The following YIF1B variants were observed in gnomAD, a reference collection of about 807,000 sequenced individuals.
YIF1B encodes protein YIF1B.
In YIF1B, 24 loss-of-function variants were observed where a neutral mutation model predicts 34.6. The observed-to-expected ratio is 0.69, with a 90% CI of 0.50 to 0.98. The LOEUF (loss-of-function observed/expected upper bound fraction) is 0.98. YIF1B is among the 50% of genes least tolerant of loss of function. YIF1B has a pLI of 0.00. For synonymous variants in YIF1B, 186 were observed against 184.8 expected, an observed-to-expected ratio of 1.01 and a Z score of -0.05; for missense variants, 368 against 429.4, an observed-to-expected ratio of 0.86 and a Z score of 1.26.
intron 1 of YIF1B, among the ~76,000 whole-genome samples, chr19:38,314,322 G>A (rs914427120): frequency 6.6e-6 from 1 of 151,568 alleles, no homozygotes; most frequent in African/African-American, 2.4e-5. Flanking sequence ...AGCCTCCTGA[G>A]TAGCTGGGAC....
Position 38,304,251 on chromosome 19 carries a change from C to G in YIF1B, c.*1101G>C. The G allele has an allele frequency of 6.2e-7, 1 of 1,613,634 alleles. No individual in the cohort carries two copies. The highest frequency in any genetic ancestry group is 1.1e-5 in the South Asian group (1 of 91,072). ...CGCCCTTGGCCTTAGGACCCAACTT[C>G]TCTTACCGCCATGGAGTTCGACCTG... On this transcript the variant is annotated 3_prime_UTR_variant, in exon 8 of 8. Transcript: ENST00000339413.
Position 38,304,378 on chromosome 19 carries a change from T to C in YIF1B, c.*974A>G. ...ACCACCCAACTTCTCTCCACAGCCC[T>C]GGAGCCCACCTCCCAGAAGCCCGGT... On this transcript the variant is annotated 3_prime_UTR_variant, in exon 8 of 8. Coordinates refer to ENST00000339413, the MANE Select transcript of YIF1B (RefSeq NM_001039672.3). The C allele has an allele frequency of 6.3e-7, 1 of 1,586,940 alleles. No individual in the cohort carries two copies. The highest frequency in any genetic ancestry group is 1.1e-5 in the South Asian group (1 of 87,414).
chr19:38,304,071 T>C lies in YIF1B; in HGVS notation c.*1281A>G. The C allele has an allele frequency of 4.3e-6, 3 of 700,130 alleles. No homozygotes were observed. The highest frequency in any genetic ancestry group is 7.0e-6 in the Non-Finnish European group (3 of 427,532). 43.4% of individuals were successfully genotyped at this position (700,130 alleles called of 1,614,324 possible). The stretch of plus-strand genomic sequence containing the variant: ...GCTGGCGGAAGCAGTCACCTGTCCA[T>C]CTCCCCCACTTCTCACAGAGGAAAT... On this transcript the variant is annotated 3_prime_UTR_variant, in exon 8 of 8. Coordinates refer to ENST00000339413, the MANE Select transcript of YIF1B (RefSeq NM_001039672.3).
chr19:38,321,493 G>A (rs914985565), upstream of YIF1B, among the ~76,000 whole-genome samples: 1 of 152,250 alleles, frequency 6.6e-6, no homozygotes, highest in Non-Finnish European at 1.5e-5. Flanking sequence ...AGGACCCACC[G>A]TGGAGGGACC....
At chr19:38,320,822 T>G (rs76086051), upstream of YIF1B, among the ~76,000 whole-genome samples, 21,807 of 152,040 alleles carry the variant, frequency 0.14, 1,883 homozygotes, top group South Asian at 0.22. Flanking sequence ...CCCTCCCAAA[T>G]TGCTGGCATT....
chr19:38,310,597 AG>A (rs1000276430), intron 1 of YIF1B, among the ~76,000 whole-genome samples: 5 of 152,142 alleles, frequency 3.3e-5, no homozygotes, highest in Admixed American at 1.3e-4. Flanking sequence ...TGCGAGAGGA[AG>A]GGGGGGCTAT....
At chr19:38,320,864 T>TC (rs747946818), upstream of YIF1B, among the ~76,000 whole-genome samples, 66 of 152,140 alleles carry the variant, frequency 4.3e-4, no homozygotes, top group Non-Finnish European at 7.5e-4. Flanking sequence ...GGGACTGCAT[T>TC]CCCCGGTCTT....
intron 1 of YIF1B, among the ~76,000 whole-genome samples, chr19:38,315,245 CAAA>C (rs76142078): frequency 7.7e-5 from 7 of 91,112 alleles, no homozygotes; most frequent in Admixed American, 1.2e-4. Context: ...AACTAGGTCT[CAAA>C]AAAAAAAAAA....
intron 1 of YIF1B, chr19:38,315,571 C>T (rs1193091712): frequency 5.4e-6 from 8 of 1,472,250 alleles, no homozygotes; most frequent in Non-Finnish European, 7.2e-6. Flanking sequence ...TGGGGAGCCA[C>T]GGAAGGGTGG....
upstream of YIF1B, chr19:38,320,084 C>A: frequency 6.5e-7 from 1 of 1,536,496 alleles, no homozygotes; most frequent in Non-Finnish European, 8.7e-7. Flanking sequence ...ACGCTGCGGG[C>A]GCAGCTGCTT....
chr19:38,312,505 G>A (rs1969364285), intron 1 of YIF1B, among the ~76,000 whole-genome samples: 1 of 152,162 alleles, frequency 6.6e-6, no homozygotes, highest in African/African-American at 2.4e-5. Context: ...CTGAGATGGA[G>A]AAAATAGGGA....
Position 38,305,312 on chromosome 19 carries a change from CCAGCAGCAG to C in YIF1B, c.*31_*39del. On this transcript the variant is annotated 3_prime_UTR_variant, in exon 8 of 8. Transcript: ENST00000339413. ...ATGAGTTCGGCGGCCACAGTGGCCC[CCAGCAGCAG>C]CAGCAGCAGCGGGAGGTTCAGCGGG... 6.3e-7 allele frequency: 1 copy of C among 1,581,308 alleles called. No individual in the cohort carries two copies. The highest frequency in any genetic ancestry group is 8.6e-7 in the Non-Finnish European group (1 of 1,161,322).
intron 5 of YIF1B, 129 bp downstream of exon 5, chr19:38,308,663 C>G: frequency 1.7e-6 from 2 of 1,156,080 alleles, no homozygotes; most frequent in Non-Finnish European, 2.6e-6. Flanking sequence ...AGGGCTGTAT[C>G]TTGGGCCAAC....
chr19:38,308,756 C>T (rs554203864), intron 5 of YIF1B, 36 bp downstream of exon 5: 1 of 1,613,544 alleles, frequency 6.2e-7, no homozygotes, highest in South Asian at 1.1e-5. Context: ...GCCTCCCAAA[C>T]CCCACCTTAT....
At chr19:38,314,747 G>A (rs1008626221) in intron 1 of YIF1B, among the ~76,000 whole-genome samples, 4 of 150,120 alleles carry the variant, frequency 2.7e-5, no homozygotes, top group Non-Finnish European at 3.0e-5. Flanking sequence ...CCAAGTAGCC[G>A]GGATTACAGG....
chr19:38,304,377 C>G lies in YIF1B; in HGVS notation c.*975G>C. On this transcript the variant is annotated 3_prime_UTR_variant, in exon 8 of 8. Transcript: ENST00000339413. Reference sequence around the variant, plus strand: ...AACCACCCAACTTCTCTCCACAGCCCTGGAGCCCACCTCCCAGAAGCCCGG... The same window carrying G: ...AACCACCCAACTTCTCTCCACAGCCGTGGAGCCCACCTCCCAGAAGCCCGG... The G allele has an allele frequency of 6.3e-7, 1 of 1,587,048 alleles. No individual in the cohort carries two copies. The highest frequency in any genetic ancestry group is 8.6e-7 in the Non-Finnish European group (1 of 1,167,694).
At chr19:38,317,777 G>A (rs182316778), upstream of YIF1B, among the ~76,000 whole-genome samples, 44 of 151,378 alleles carry the variant, frequency 2.9e-4, 1 homozygote, top group South Asian at 2.5e-3. Flanking sequence ...ACAGGGTTTC[G>A]CCATGTTGGC....
chr19:38,314,030 T>C (rs1234716129), intron 1 of YIF1B, among the ~76,000 whole-genome samples: 1 of 152,114 alleles, frequency 6.6e-6, no homozygotes, highest in African/African-American at 2.4e-5. Flanking sequence ...CTCTCTCTCT[T>C]TTTTTTCTTT....
upstream of YIF1B, chr19:38,320,193 G>C: frequency 1.9e-6 from 3 of 1,601,448 alleles, 1 homozygote; most frequent in South Asian, 3.3e-5. Flanking sequence ...CTAACGCTTC[G>C]GGGTCCGCCA....
Sources: gnomAD v4.1 joint callset for allele counts (sites outside exome capture counted in the v4.1 genomes callset) on GRCh38, gnomAD v4.1.1 for gene constraint, MANE v1.5 for transcripts, NCBI Gene and HGNC (gene_info 2026-07-23, HGNC 2026-07-21) for gene names.